The following TRAPPC9 variants were observed in gnomAD, a reference collection of about 807,000 sequenced individuals.
TRAPPC9 encodes trafficking protein particle complex subunit 9.
A neutral mutation model predicts 124.0 loss-of-function variants in TRAPPC9; 83 were observed. That is an observed-to-expected ratio of 0.67 (90% CI 0.56 to 0.80). The LOEUF (loss-of-function observed/expected upper bound fraction) is 0.80. TRAPPC9 is among the 30% of genes least tolerant of loss of function. TRAPPC9 has a pLI of 0.00. For synonymous variants in TRAPPC9, 638 were observed against 617.5 expected, an observed-to-expected ratio of 1.03 and a Z score of -0.49; for missense variants, 1,302 against 1,508.3, an observed-to-expected ratio of 0.86 and a Z score of 2.27.
chr8:139,881,638 T>C (rs1265146906), intron 21 of TRAPPC9, among the ~76,000 whole-genome samples: 1 of 148,920 alleles, frequency 6.7e-6, no homozygotes, highest in Non-Finnish European at 1.5e-5. Context: ...TCTTTAGTTA[T>C]GAAAAAAAGA....
intron 19 of TRAPPC9, among the ~76,000 whole-genome samples, chr8:139,985,452 T>A (rs1837183487): frequency 6.6e-6 from 1 of 152,168 alleles, no homozygotes; most frequent in South Asian, 2.1e-4. Flanking sequence ...AGAGGATGCA[T>A]CGATGCTCCC....
intron 21 of TRAPPC9, among the ~76,000 whole-genome samples, chr8:139,861,728 C>T (rs896688700): frequency 1.3e-5 from 2 of 152,100 alleles, no homozygotes; most frequent in African/African-American, 4.8e-5. Flanking sequence ...GCCCACAAAT[C>T]GAGTGGTTTT....
At chr8:140,358,775 G>A (rs558238773) in intron 9 of TRAPPC9, among the ~76,000 whole-genome samples, 1 of 152,328 alleles carries the variant, frequency 6.6e-6, no homozygotes, top group African/African-American at 2.4e-5. Context: ...GAGTCGCCCA[G>A]ACGGCCTGCA....
chr8:140,275,231 C>T (rs769431693), intron 15 of TRAPPC9, among the ~76,000 whole-genome samples: 13 of 152,202 alleles, frequency 8.5e-5, no homozygotes, highest in Non-Finnish European at 1.0e-4. Context: ...GTCCAAACTT[C>T]AGCACAGGTC....
chr8:140,178,328 G>A (rs913971835), intron 17 of TRAPPC9, among the ~76,000 whole-genome samples: 2 of 152,088 alleles, frequency 1.3e-5, no homozygotes, highest in Non-Finnish European at 2.9e-5. Context: ...CATTTTGTCA[G>A]AGGCTCATTA....
intron 4 of TRAPPC9, among the ~76,000 whole-genome samples, chr8:140,430,925 C>T (rs758209544): frequency 2.6e-5 from 4 of 152,038 alleles, no homozygotes; most frequent in Non-Finnish European, 5.9e-5. Flanking sequence ...CAGGTGTGAG[C>T]CACCATGCCC....
At position 140,015,487 on chromosome 8, in the gene TRAPPC9, T is replaced by C. The variant is rs187912111; in HGVS notation, c.2699+8450A>G. Among the ~76,000 whole-genome samples, 4 of 152,336 alleles carry C rather than the reference T, an allele frequency of 2.6e-5. No individual in the cohort carries two copies. In the East Asian group the frequency reaches 7.7e-4, roughly 29 times the overall value. On this transcript the variant is annotated intron_variant, in intron 18 of 22. Transcript: ENST00000438773. Reference sequence around the variant, plus strand: ...CCGAAAATGCATACTAATTCTGTTGTGTTCCAGGCCTTGCAATTTACACAG... The same window carrying C: ...CCGAAAATGCATACTAATTCTGTTGCGTTCCAGGCCTTGCAATTTACACAG...
At chr8:139,833,478 G>A (rs1427975018) in intron 21 of TRAPPC9, among the ~76,000 whole-genome samples, 4 of 152,220 alleles carry the variant, frequency 2.6e-5, no homozygotes, top group Non-Finnish European at 4.4e-5. Context: ...GCAATGGAAG[G>A]AGCTGGTCAC....
rs537998014 is a variant in TRAPPC9 at position 140,255,538 on chromosome 8, GA to G, written c.2279-2610del. Among the ~76,000 whole-genome samples, 6 of 152,314 alleles carry G rather than the reference GA, an allele frequency of 3.9e-5. No individual in the cohort carries two copies. The South Asian group carries it at 1.2e-3, about 32-fold the overall frequency. On this transcript the variant is annotated intron_variant, in intron 15 of 22. Transcript: ENST00000438773. The stretch of plus-strand genomic sequence containing the variant: ...GAATCGTTGAGCAGGCTGGTTCCTG[GA>G]AAGTCAACTTTAACGACAGTCTGAG...
intron 14 of TRAPPC9, among the ~76,000 whole-genome samples, chr8:140,278,689 C>G (rs564247636): frequency 6.6e-6 from 1 of 152,134 alleles, no homozygotes; most frequent in Non-Finnish European, 1.5e-5. Flanking sequence ...ACAGGAGATG[C>G]CATCAGGCCG....
At chr8:140,029,041 T>A (rs1381322666) in intron 17 of TRAPPC9, among the ~76,000 whole-genome samples, 1 of 152,186 alleles carries the variant, frequency 6.6e-6, no homozygotes, top group African/African-American at 2.4e-5. Context: ...AGAATGATTA[T>A]CGGTACAGAT....
intron 21 of TRAPPC9, among the ~76,000 whole-genome samples, chr8:139,790,925 G>A (rs1476631061): frequency 2.0e-5 from 3 of 152,078 alleles, no homozygotes; most frequent in Non-Finnish European, 4.4e-5. Flanking sequence ...AGGAGAGTGT[G>A]GCAACTTCCT....
intron 17 of TRAPPC9, among the ~76,000 whole-genome samples, chr8:140,047,349 A>C (rs1233326159): frequency 6.6e-6 from 1 of 152,222 alleles, no homozygotes; most frequent in East Asian, 1.9e-4. Context: ...GTATGCTAAG[A>C]ATAGTCCGGG....
At chr8:139,931,513 C>A (rs1833139685) in intron 19 of TRAPPC9, 1 of 152,220 alleles carries the variant, frequency 6.6e-6, no homozygotes, top group South Asian at 2.1e-4. Context: ...TTGAAGACCA[C>A]CTAGTCCAAA....
rs558246763 is a variant in TRAPPC9 at position 139,787,357 on chromosome 8, C to T, written c.3056-55155G>A. On this transcript the variant is annotated intron_variant, in intron 21 of 22. Transcript: ENST00000438773. ...CACTGTACAGTCATGACTCTTTCAT[C>T]CTCACTGCAGCCTTGGGAGCAGGGG... Among the ~76,000 whole-genome samples the T allele has an allele frequency of 6.6e-5, 10 of 152,224 alleles. No individual in the cohort carries two copies. The South Asian group carries it at 1.7e-3, about 25-fold the overall frequency.
chr8:139,894,965 G>A (rs542016774), intron 20 of TRAPPC9, among the ~76,000 whole-genome samples: 1 of 152,214 alleles, frequency 6.6e-6, no homozygotes, highest in Non-Finnish European at 1.5e-5. Context: ...TGGGCACTAC[G>A]ACAAGGGCTG....
chr8:140,261,512 A>T (rs2064410542), intron 15 of TRAPPC9, among the ~76,000 whole-genome samples: 1 of 152,224 alleles, frequency 6.6e-6, no homozygotes, highest in African/African-American at 2.4e-5. Flanking sequence ...CTGCTTGCTG[A>T]ATTAATTGCC....
At chr8:140,449,074 A>C (rs2071367847) in intron 2 of TRAPPC9, among the ~76,000 whole-genome samples, 2 of 152,232 alleles carry the variant, frequency 1.3e-5, no homozygotes, top group South Asian at 4.1e-4. Flanking sequence ...CACCACAGGC[A>C]GGTGCGACTG....
chr8:139,969,989 ATTTC>A (rs1835958168), intron 19 of TRAPPC9, among the ~76,000 whole-genome samples: 1 of 152,212 alleles, frequency 6.6e-6, no homozygotes, highest in Non-Finnish European at 1.5e-5. Context: ...ACATTGAAGT[ATTTC>A]TTTCAGTACG....
Sources: allele counts gnomAD v4.1 joint callset (sites outside exome capture counted in the v4.1 genomes callset), GRCh38; gene constraint gnomAD v4.1.1; transcripts MANE v1.5; gene names NCBI Gene and HGNC (gene_info 2026-07-23, HGNC 2026-07-21).